ASAP2: variants seen among roughly 807,000 people sequenced by gnomAD.
The protein encoded by ASAP2 is ArfGAP with SH3 domain, ankyrin repeat and PH domain 2.
ASAP2 carries 45 observed loss-of-function variants against 131.4 expected under a neutral mutation model. That is an observed-to-expected ratio of 0.34 (90% CI 0.27 to 0.44). ASAP2 has a LOEUF of 0.44. Among genes scored for constraint, ASAP2 ranks in the 20% least tolerant of loss-of-function variants. The pLI is 1.00. For synonymous variants in ASAP2, 510 were observed against 503.0 expected (o/e 1.01, Z -0.19); for missense variants, 1,011 against 1,297.0 (o/e 0.78, Z 3.39).
intron 1 of ASAP2, among the ~76,000 whole-genome samples, chr2:9,238,374 A>G (rs1341998610): frequency 2.0e-5 from 3 of 152,068 alleles, no homozygotes; most frequent in Non-Finnish European, 4.4e-5. Context: ...ATTTGACAAT[A>G]CTCCAGGCTT....
intron 11 of ASAP2, among the ~76,000 whole-genome samples, chr2:9,346,060 C>T (rs1321789294): frequency 6.6e-6 from 1 of 152,094 alleles, no homozygotes; most frequent in Non-Finnish European, 1.5e-5. Flanking sequence ...CAAAACCCAG[C>T]TTTCACTGGT....
chr2:9,379,674 C>G (rs1021767210), intron 19 of ASAP2, among the ~76,000 whole-genome samples: 2 of 152,166 alleles, frequency 1.3e-5, no homozygotes, highest in African/African-American at 2.4e-5. Flanking sequence ...AAAAAAGACA[C>G]ACATCTGCCT....
chr2:9,282,949 TA>T (rs1196341741), intron 2 of ASAP2, among the ~76,000 whole-genome samples: 3 of 152,236 alleles, frequency 2.0e-5, no homozygotes, highest in Non-Finnish European at 4.4e-5. Flanking sequence ...ACCCAGTCTG[TA>T]AACGGACTCC....
intron 1 of ASAP2, among the ~76,000 whole-genome samples, chr2:9,252,016 G>A (rs1295100489): frequency 6.6e-6 from 1 of 152,022 alleles, no homozygotes; most frequent in Non-Finnish European, 1.5e-5. Context: ...ATGTACTTGG[G>A]AAGTACTGGC....
At chr2:9,267,921 A>AAG (rs1332616040) in intron 1 of ASAP2, among the ~76,000 whole-genome samples, 1 of 151,072 alleles carries the variant, frequency 6.6e-6, no homozygotes, top group Non-Finnish European at 1.5e-5. Context: ...AAAAAAAAAA[A>AAG]AGAATGATTA....
chr2:9,329,502 G>A (rs1670693817), intron 7 of ASAP2, among the ~76,000 whole-genome samples: 1 of 152,322 alleles, frequency 6.6e-6, no homozygotes, highest in African/African-American at 2.4e-5. Flanking sequence ...AACAGTGATG[G>A]GGAGAGAGAC....
intron 1 of ASAP2, among the ~76,000 whole-genome samples, chr2:9,258,935 C>A (rs752535236): frequency 1.3e-5 from 2 of 152,212 alleles, no homozygotes; most frequent in Non-Finnish European, 2.9e-5. Flanking sequence ...CTGGGGTCTG[C>A]AGCCCTCCAG....
chr2:9,307,040 C>T (rs1668987432), intron 3 of ASAP2, among the ~76,000 whole-genome samples: 2 of 152,198 alleles, frequency 1.3e-5, no homozygotes, highest in African/African-American at 4.8e-5. Flanking sequence ...CAGAGGTCCT[C>T]CAAGTGCAGC....
At chr2:9,325,909 G>C (rs1420645169) in intron 6 of ASAP2, among the ~76,000 whole-genome samples, 2 of 152,154 alleles carry the variant, frequency 1.3e-5, no homozygotes, top group Non-Finnish European at 2.9e-5. Flanking sequence ...AGCAGAGGTG[G>C]GCTTATCTAA....
chr2:9,290,164 A>G (rs150593856), intron 2 of ASAP2, among the ~76,000 whole-genome samples: 2 of 152,288 alleles, frequency 1.3e-5, no homozygotes, highest in Admixed American at 6.5e-5. Flanking sequence ...GTCCAGGGAA[A>G]GCTTTGGGAG....
At chr2:9,306,312 T>C (rs891420621) in intron 3 of ASAP2, among the ~76,000 whole-genome samples, 1 of 151,126 alleles carries the variant, frequency 6.6e-6, no homozygotes, top group African/African-American at 2.4e-5. Flanking sequence ...GTGGGGGTTG[T>C]GAGTGAAGGA....
chr2:9,316,535 G>A (rs1323393686), intron 3 of ASAP2, among the ~76,000 whole-genome samples: 2 of 152,130 alleles, frequency 1.3e-5, no homozygotes, highest in African/African-American at 4.8e-5. Context: ...AGCCACAGGG[G>A]CCCAGCAGTG....
At chr2:9,388,618 C>A in intron 22 of ASAP2, 72 bp downstream of exon 22, 1 of 1,547,652 alleles carries the variant, frequency 6.5e-7, no homozygotes, top group Non-Finnish European at 8.7e-7. Flanking sequence ...TTTGCAGCTG[C>A]CCTGCCTCCA....
At chr2:9,249,365 C>T (rs139618845) in intron 1 of ASAP2, among the ~76,000 whole-genome samples, 236 of 152,324 alleles carry the variant, frequency 1.5e-3, no homozygotes, top group African/African-American at 5.2e-3. Context: ...CAATGCCTTC[C>T]CCATATATGT....
chr2:9,318,406 G>A (rs529594668), intron 3 of ASAP2, 118 bp from the exon 4 acceptor site: 149 of 728,588 alleles, frequency 2.0e-4, no homozygotes, highest in Non-Finnish European at 3.2e-4. Flanking sequence ...TACATGCACC[G>A]GCCAGGTTTT....
intron 7 of ASAP2, among the ~76,000 whole-genome samples, chr2:9,328,480 T>G (rs1670618387): frequency 6.6e-6 from 1 of 152,208 alleles, no homozygotes; most frequent in Non-Finnish European, 1.5e-5. Context: ...CTCAGATGTT[T>G]GTTAAAAGAG....
chr2:9,293,936 T>C (rs912663690), intron 2 of ASAP2, among the ~76,000 whole-genome samples: 1 of 152,008 alleles, frequency 6.6e-6, no homozygotes. Flanking sequence ...AAAGAACTAA[T>C]TGATCACCTT....
At chr2:9,280,803 G>A (rs559153695) in intron 2 of ASAP2, among the ~76,000 whole-genome samples, 36 of 152,324 alleles carry the variant, frequency 2.4e-4, no homozygotes, top group African/African-American at 8.7e-4. Context: ...AATAATGATA[G>A]TTTTGATTTT....
At chr2:9,242,578 T>C (rs1664049590) in intron 1 of ASAP2, among the ~76,000 whole-genome samples, 1 of 152,210 alleles carries the variant, frequency 6.6e-6, no homozygotes, top group Non-Finnish European at 1.5e-5. Context: ...CTCTGTTCCC[T>C]GAGTCTTCAT....
Sources: gnomAD v4.1 joint callset for allele counts (sites outside exome capture counted in the v4.1 genomes callset) on GRCh38, gnomAD v4.1.1 for gene constraint, MANE v1.5 for transcripts, NCBI Gene and HGNC (gene_info 2026-07-23, HGNC 2026-07-21) for gene names.